The following FAM78A variants were observed in gnomAD, a reference collection of about 807,000 sequenced individuals.
FAM78A encodes the protein protein FAM78A.
FAM78A carries 12 observed loss-of-function variants against 22.6 expected under a neutral mutation model. The observed-to-expected ratio is 0.53, with a 90% CI of 0.34 to 0.86. The LOEUF is 0.86. Among genes scored for constraint, FAM78A ranks in the 40% least tolerant of loss-of-function variants. The probability of loss-of-function intolerance (pLI) is 0.02; values close to 1 mark genes in which losing one functional copy is unlikely to be tolerated. For missense variants in FAM78A, 322 were observed against 396.1 expected, an observed-to-expected ratio of 0.81 and a Z score of 1.59; for synonymous variants, 151 against 155.8, an observed-to-expected ratio of 0.97 and a Z score of 0.23.
chr9:131,261,331 C>A lies in FAM78A; in HGVS notation c.343G>T (p.Asp115Tyr). ...GCTTGGATCTTGCCCTCCTGGAGGT[C>A]GGGGAGCTCCCAGCTGGACCTGAGG... ...EQGMSSWELP[D>Y]LQEGKIQAIS... Residue 115 changes from aspartate (D) to tyrosine (Y), a missense_variant, in exon 2 of 2, where the codon GAC (aspartate) becomes TAC (tyrosine). Coordinates refer to ENST00000372271, the MANE Select transcript of FAM78A (RefSeq NM_033387.4). The surrounding 1 kb of genome is among the most constrained non-coding windows in gnomAD (Gnocchi z 7.1). 4 of 1,591,662 alleles carry A rather than the reference C, an allele frequency of 2.5e-6. No individual in the cohort carries two copies. The highest frequency in any genetic ancestry group is 3.4e-6 in the Non-Finnish European group (4 of 1,174,950).
chr9:131,265,545 G>A lies in FAM78A; in HGVS notation c.324-4195C>T, dbSNP rs1055428941. On this transcript the variant is annotated intron_variant, in intron 1 of 1. Transcript: ENST00000372271. The surrounding 1 kb of genome is among the most constrained non-coding windows in gnomAD (Gnocchi z 4.3). The stretch of plus-strand genomic sequence containing the variant: ...ATTACAGGCGTGAGCCACCATGCCC[G>A]GCCTAATTTTTATATTTTTTTAGTA... Among the ~76,000 whole-genome samples the A allele has an allele frequency of 2.6e-5, 4 of 152,088 alleles. No individual in the cohort carries two copies. The highest frequency in any genetic ancestry group is 4.4e-5 in the Non-Finnish European group (3 of 68,022).
At chr9:131,280,668 C>T (rs1835534180), upstream of FAM78A, among the ~76,000 whole-genome samples, 1 of 152,158 alleles carries the variant, frequency 6.6e-6, no homozygotes, top group Non-Finnish European at 1.5e-5. Flanking sequence ...GGCACATTGG[C>T]CCAGAGAAGT....
chr9:131,267,283 T>C (rs151322470), intron 1 of FAM78A, among the ~76,000 whole-genome samples: 48 of 151,934 alleles, frequency 3.2e-4, no homozygotes, highest in African/African-American at 9.7e-4. Context: ...ACTATGGGAG[T>C]CTGAGGCTGG....
upstream of FAM78A, among the ~76,000 whole-genome samples, chr9:131,280,088 A>G (rs1316970532): frequency 6.6e-6 from 1 of 150,634 alleles, no homozygotes; most frequent in Non-Finnish European, 1.5e-5. Context: ...ACCCCTGCAC[A>G]GGATGTCATC....
rs1465369534 is a variant in FAM78A, at chr9:131,272,521, G to C, written c.323+3336C>G. Among the ~76,000 whole-genome samples the C allele has an allele frequency of 2.6e-5, 4 of 152,202 alleles. No individual in the cohort carries two copies. In the East Asian group the frequency reaches 7.7e-4, roughly 29 times the overall value. On this transcript the variant is annotated intron_variant, in intron 1 of 1. Coordinates refer to ENST00000372271, the MANE Select transcript of FAM78A (RefSeq NM_033387.4). This position sits in a 1 kb window ranked among gnomAD's most constrained non-coding sequence, Gnocchi z 4.1. ...CCAGGCAGAGCAGAGGAACAATTCT[G>C]GGCTGGTTGGGGTTTCTGGTCACCC... is the stretch of plus-strand genomic sequence containing the variant.
Position 131,275,724 on chromosome 9 carries a change from G to T in FAM78A, c.323+133C>A. 1 of 988,392 alleles carries T rather than the reference G, an allele frequency of 1.0e-6. No individual in the cohort carries two copies. The highest frequency in any genetic ancestry group is 1.4e-6 in the Non-Finnish European group (1 of 690,502). The allele number at this position is 988,392 out of a possible 1,614,324, so 61.2% of individuals were successfully genotyped here. A position where few individuals can be genotyped will look rare whatever the true frequency, so the allele number is the denominator to read the frequency against. ...GGCCAATGAGGCCACCTGCATACCT[G>T]CCTAAAGCTTCCCTCTGGCCTCCGT... On this transcript the variant is annotated intron_variant, in intron 1 of 1. Coordinates refer to ENST00000372271, the MANE Select transcript of FAM78A (RefSeq NM_033387.4). This position sits in a 1 kb window ranked among gnomAD's most constrained non-coding sequence, Gnocchi z 4.6.
intron 1 of FAM78A, among the ~76,000 whole-genome samples, chr9:131,262,461 G>C (rs974347298): frequency 6.8e-6 from 1 of 148,124 alleles, no homozygotes; most frequent in Non-Finnish European, 1.5e-5. Flanking sequence ...GGGTGACAGA[G>C]TGAGACTCTG....
In FAM78A at chr9:131,261,273, C is replaced by T. The variant is rs1173773930; in HGVS notation, c.401G>A (p.Trp134Ter). Reference protein sequence around the residue: ...ISDSDGVNYPWYGNTTETCTI... With the variant: ...ISDSDGVNYP ...GCAGGTCTCTGTGGTGTTGCCGTACCAGGGGTAGTTCACCCCATCCGAGTC... is the reference window on the plus strand; with the variant it reads ...GCAGGTCTCTGTGGTGTTGCCGTACTAGGGGTAGTTCACCCCATCCGAGTC... The change falls in exon 2 of 2, where the codon TGG (tryptophan) becomes TAG (stop). Residue 134 changes from tryptophan to a stop codon, truncating the protein, a stop_gained. Transcript: ENST00000372271. LOFTEE classifies it high-confidence loss of function. This position sits in a 1 kb window ranked among gnomAD's most constrained non-coding sequence, Gnocchi z 7.1. 2 of 1,609,316 alleles carry T rather than the reference C, an allele frequency of 1.2e-6. No individual in the cohort carries two copies. The highest frequency in any genetic ancestry group is 2.7e-5 in the African/African-American group (2 of 74,514).
rs990437271 is a variant in FAM78A, at chr9:131,265,666, G to A, written c.324-4316C>T. Among the ~76,000 whole-genome samples the A allele has an allele frequency of 2.6e-5, 4 of 152,336 alleles. No individual in the cohort carries two copies. Among genetic ancestry groups the A allele is most frequent in the Admixed American group, 2.6e-4 (4 of 15,306 alleles). ...CTCCCAAAGTGCTGGGATTACAGGCGTGAGCCACCGCACCTGGCTGTAAAC... is the reference window on the plus strand; with the variant it reads ...CTCCCAAAGTGCTGGGATTACAGGCATGAGCCACCGCACCTGGCTGTAAAC... On this transcript the variant is annotated intron_variant, in intron 1 of 1. Coordinates refer to ENST00000372271, the MANE Select transcript of FAM78A (RefSeq NM_033387.4). The surrounding 1 kb of genome is among the most constrained non-coding windows in gnomAD (Gnocchi z 4.3).
At chr9:131,270,038 A>AAT (rs71372706) in intron 1 of FAM78A, among the ~76,000 whole-genome samples, 1 of 36,912 alleles carries the variant, frequency 2.7e-5, no homozygotes, top group African/African-American at 6.3e-5. Flanking sequence ...CTACTAAAAT[A>AAT]AAAAAAAAAA....
chr9:131,266,523 C>G (rs935241205), intron 1 of FAM78A, among the ~76,000 whole-genome samples: 2 of 152,032 alleles, frequency 1.3e-5, no homozygotes, highest in African/African-American at 2.4e-5. Context: ...TCCTCCTCCC[C>G]CCCACTTCCT....
At chr9:131,280,606 C>T (rs141831694), upstream of FAM78A, among the ~76,000 whole-genome samples, 2 of 152,252 alleles carry the variant, frequency 1.3e-5, no homozygotes, top group East Asian at 3.9e-4. Context: ...ACTGGGATGG[C>T]CACTTGGGAG....
rs1835330396 is a variant in FAM78A, at chr9:131,265,284, T to C, written c.324-3934A>G. Reference sequence around the variant, plus strand: ...TTCTCCTTTTTTTTGAGACAGAGTTTCACTCTTCCTGGCCAGGCCGGAGTG... The same window carrying C: ...TTCTCCTTTTTTTTGAGACAGAGTTCCACTCTTCCTGGCCAGGCCGGAGTG... On this transcript the variant is annotated intron_variant, in intron 1 of 1. Coordinates refer to ENST00000372271, the MANE Select transcript of FAM78A (RefSeq NM_033387.4). The surrounding 1 kb of genome is among the most constrained non-coding windows in gnomAD (Gnocchi z 4.3). 6.6e-6 allele frequency among the ~76,000 whole-genome samples: 1 copy of C among 152,156 alleles called. No individual in the cohort carries two copies. Among genetic ancestry groups the C allele is most frequent in the Admixed American group, 6.6e-5 (1 of 15,264 alleles).
At chr9:131,264,683 G>A in intron 1 of FAM78A, 1 of 703,510 alleles carries the variant, frequency 1.4e-6, no homozygotes, top group South Asian at 1.5e-5. Context: ...AGGTAGCCCT[G>A]ATTTGACCCA....
At position 131,265,517 on chromosome 9, in the gene FAM78A, G is replaced by A. The variant is rs1835332883; in HGVS notation, c.324-4167C>T. 6.6e-6 allele frequency among the ~76,000 whole-genome samples: 1 copy of A among 152,174 alleles called. No homozygotes were observed. Among genetic ancestry groups the A allele is most frequent in the Non-Finnish European group, 1.5e-5 (1 of 68,032 alleles). On this transcript the variant is annotated intron_variant, in intron 1 of 1. Coordinates refer to ENST00000372271, the MANE Select transcript of FAM78A (RefSeq NM_033387.4). The surrounding 1 kb of genome is among the most constrained non-coding windows in gnomAD (Gnocchi z 4.3). ...ACCCACCTCAGCCTCTCACAGTGCT[G>A]GGATTACAGGCGTGAGCCACCATGC...
intron 1 of FAM78A, among the ~76,000 whole-genome samples, chr9:131,270,046 A>AT (rs964174491): frequency 1.8e-4 from 27 of 149,584 alleles, no homozygotes; most frequent in Admixed American, 5.3e-4. Flanking sequence ...ATAAAAAAAA[A>AT]AAAAAAAAAA....
chr9:131,275,844 C>CG lies in FAM78A; in HGVS notation c.323+12dup. The CG allele has an allele frequency of 6.4e-7, 1 of 1,561,942 alleles. No individual in the cohort carries two copies. Among genetic ancestry groups the CG allele is most frequent in the South Asian group, 1.2e-5 (1 of 82,800 alleles). On this transcript the variant is annotated intron_variant, in intron 1 of 1. Transcript: ENST00000372271. This position sits in a 1 kb window ranked among gnomAD's most constrained non-coding sequence, Gnocchi z 4.6. The stretch of plus-strand genomic sequence containing the variant: ...CCTAGCAGTTCCCAGAGCTGGCTCT[C>CG]GGCCGTACTCACATGCCCTGCTCGC...
At chr9:131,262,925 G>A (rs1221364125) in intron 1 of FAM78A, among the ~76,000 whole-genome samples, 3 of 151,460 alleles carry the variant, frequency 2.0e-5, no homozygotes, top group Non-Finnish European at 2.9e-5. Flanking sequence ...TCTTGGGGAC[G>A]AAGTTTCAGT....
At position 131,259,043 on chromosome 9, in the gene FAM78A, G is replaced by A. The variant is rs1192146688; in HGVS notation, c.*1779C>T. The A allele has an allele frequency of 6.5e-6, 1 of 152,684 alleles. No homozygotes were observed. Among genetic ancestry groups the A allele is most frequent in the Non-Finnish European group, 1.5e-5 (1 of 68,048 alleles). The allele number at this position is 152,684 out of a possible 1,614,324, so 9.5% of individuals were successfully genotyped here. On this transcript the variant is annotated 3_prime_UTR_variant, in exon 2 of 2. Transcript: ENST00000372271. ...GACAAAGGAGCAGGGCAGGGACTTT[G>A]GTTCCCACACCGTCCCACGCTGTCA... is the stretch of plus-strand genomic sequence containing the variant.
Sources: gnomAD v4.1 joint callset for allele counts (sites outside exome capture counted in the v4.1 genomes callset) on GRCh38, gnomAD v4.1.1 for gene constraint, Gnocchi (gnomAD v3.1) non-coding constraint, MANE v1.5 for transcripts, NCBI Gene and HGNC (gene_info 2026-07-23, HGNC 2026-07-21) for gene names.